KIRREL3: variants seen among roughly 807,000 people sequenced by gnomAD.
KIRREL3 encodes kirre like nephrin family adhesion molecule 3, also known as kin of IRRE-like protein 3.
A neutral mutation model predicts 89.7 loss-of-function variants in KIRREL3; 36 were observed. The ratio of observed to expected loss-of-function variants is 0.40; its 90% CI spans 0.31 to 0.53. The LOEUF (loss-of-function observed/expected upper bound fraction) is 0.53. Among genes scored for constraint, KIRREL3 ranks in the 20% least tolerant of loss-of-function variants. The pLI is 0.49. For missense variants in KIRREL3, 864 were observed against 1,056.6 expected, an observed-to-expected ratio of 0.82 and a Z score of 2.53; for synonymous variants, 445 against 441.4, an observed-to-expected ratio of 1.01 and a Z score of -0.10.
At chr11:126,481,451 T>A (rs936537949) in intron 4 of KIRREL3, among the ~76,000 whole-genome samples, 5 of 152,066 alleles carry the variant, frequency 3.3e-5, no homozygotes, top group African/African-American at 9.7e-5. Context: ...AGCTCCAGAG[T>A]CATGACCCAA....
In KIRREL3 at chr11:126,475,869, G is replaced by C. The variant is rs916767147; in HGVS notation, c.434-2403C>G. Among the ~76,000 whole-genome samples the C allele has an allele frequency of 3.3e-5, 5 of 152,210 alleles. No homozygotes were observed. Among genetic ancestry groups the C allele is most frequent in the Non-Finnish European group, 7.3e-5 (5 of 68,036 alleles). On this transcript the variant is annotated intron_variant, in intron 4 of 16. Coordinates refer to ENST00000525144, the MANE Select transcript of KIRREL3 (RefSeq NM_032531.4). This position sits in a 1 kb window ranked among gnomAD's most constrained non-coding sequence, Gnocchi z 7.5. The stretch of plus-strand genomic sequence containing the variant: ...CTTGCAGCAGGAAGAGCAGGGCTCA[G>C]AGGTGGCCAGCCTTCACCCTTCTTT...
chr11:126,451,437 T>C (rs1956153644), intron 7 of KIRREL3, among the ~76,000 whole-genome samples: 3 of 151,010 alleles, frequency 2.0e-5, no homozygotes, highest in Admixed American at 1.3e-4. Flanking sequence ...CGTGTGCATG[T>C]GTGTGTCCAA....
intron 7 of KIRREL3, among the ~76,000 whole-genome samples, chr11:126,450,880 T>C (rs1250020799): frequency 2.0e-5 from 3 of 147,200 alleles, no homozygotes; most frequent in Admixed American, 6.7e-5. Context: ...CATGTGTGCA[T>C]GTGTGCATGT....
rs754613189 is a variant in KIRREL3 at position 126,541,841 on chromosome 11, C to CGGG, written c.134-15157_134-15155dup. 6.6e-6 allele frequency among the ~76,000 whole-genome samples: 1 copy of CGGG among 152,088 alleles called. No individual in the cohort carries two copies. Among genetic ancestry groups the CGGG allele is most frequent in the Non-Finnish European group, 1.5e-5 (1 of 68,022 alleles). On this transcript the variant is annotated intron_variant, in intron 2 of 16. Coordinates refer to ENST00000525144, the MANE Select transcript of KIRREL3 (RefSeq NM_032531.4). The surrounding 1 kb of genome is among the most constrained non-coding windows in gnomAD (Gnocchi z 4.8). ...CTTGATTAAGTGGCTGTCTCTCTCTCGGGGTGCGCATTGATGTTCCCACTG... is the reference window on the plus strand; with the variant it reads ...CTTGATTAAGTGGCTGTCTCTCTCTCGGGGGGGTGCGCATTGATGTTCCCACTG...
In KIRREL3 at chr11:126,985,307, C is replaced by T. The variant is rs777330877; in HGVS notation, c.55+15148G>A. Among the ~76,000 whole-genome samples, 2 of 152,166 alleles carry T rather than the reference C, an allele frequency of 1.3e-5. No individual in the cohort carries two copies. The highest frequency in any genetic ancestry group is 2.9e-5 in the Non-Finnish European group (2 of 68,030). On this transcript the variant is annotated intron_variant, in intron 1 of 16. Transcript: ENST00000525144. The surrounding 1 kb of genome is among the most constrained non-coding windows in gnomAD (Gnocchi z 5.3). ...AATACTGATTGTATCTGACTCTGCG[C>T]CCAAGTCCAACAAAGCCACTGCACG...
chr11:126,758,129 G>C (rs1949563947), intron 1 of KIRREL3, among the ~76,000 whole-genome samples: 1 of 152,200 alleles, frequency 6.6e-6, no homozygotes, highest in South Asian at 2.1e-4. Flanking sequence ...TCTCCGATTT[G>C]GCTATTAAGA....
At chr11:126,794,891 C>T (rs1950756051) in intron 1 of KIRREL3, among the ~76,000 whole-genome samples, 1 of 152,188 alleles carries the variant, frequency 6.6e-6, no homozygotes. Flanking sequence ...TACCTCCACA[C>T]AGTGAAATTT....
intron 7 of KIRREL3, among the ~76,000 whole-genome samples, chr11:126,453,802 G>C (rs1956257080): frequency 6.6e-6 from 1 of 152,104 alleles, no homozygotes; most frequent in African/African-American, 2.4e-5. Flanking sequence ...GGTGTTTTCA[G>C]GGCCCTTCAC....
At chr11:126,450,798 T>TGA (rs202132835) in intron 7 of KIRREL3, among the ~76,000 whole-genome samples, 1,700 of 151,238 alleles carry the variant, frequency 0.011, 33 homozygotes, top group African/African-American at 0.039. Flanking sequence ...TGCATGTGTG[T>TGA]GTCTGCATGT....
intron 10 of KIRREL3, 72 bp downstream of exon 10, chr11:126,444,907 A>G: frequency 6.3e-7 from 1 of 1,596,282 alleles, no homozygotes; most frequent in Admixed American, 1.7e-5. Flanking sequence ...CTTTGGGGCT[A>G]TGCCTGGTGC....
chr11:126,950,911 T>C (rs1021820452), intron 1 of KIRREL3, among the ~76,000 whole-genome samples: 3 of 152,232 alleles, frequency 2.0e-5, no homozygotes, highest in Non-Finnish European at 2.9e-5. Flanking sequence ...AACAACCCAG[T>C]TAGAGAGATT....
Position 126,754,417 on chromosome 11 carries a change from C to T in KIRREL3, c.56-191505G>A, listed in dbSNP as rs140357813. On this transcript the variant is annotated intron_variant, in intron 1 of 16. Coordinates refer to ENST00000525144, the MANE Select transcript of KIRREL3 (RefSeq NM_032531.4). This position sits in a 1 kb window ranked among gnomAD's most constrained non-coding sequence, Gnocchi z 5.1. ...TCTGTCTCTGGTCTTCAATTCAGACCGTGTAACTAGGCTGGATGCCTGGTT... is the reference window on the plus strand; with the variant it reads ...TCTGTCTCTGGTCTTCAATTCAGACTGTGTAACTAGGCTGGATGCCTGGTT... Among the ~76,000 whole-genome samples the T allele has an allele frequency of 6.6e-5, 10 of 152,222 alleles. No individual in the cohort carries two copies. The highest frequency in any genetic ancestry group is 1.9e-4 in the East Asian group (1 of 5,186).
At position 126,923,187 on chromosome 11, in the gene KIRREL3, CTCT is replaced by C. The variant is rs1209221075; in HGVS notation, c.55+77265_55+77267del. Among the ~76,000 whole-genome samples the C allele has an allele frequency of 1.4e-3, 34 of 23,832 alleles. 1 individual carries two copies. Among genetic ancestry groups the C allele is most frequent in the Admixed American group, 2.8e-3 (6 of 2,116 alleles). The allele number at this position is 23,832 out of a possible 152,430, so 15.6% of individuals were successfully genotyped here. A position where few individuals can be genotyped will look rare whatever the true frequency, so the allele number is the denominator to read the frequency against. On this transcript the variant is annotated intron_variant, in intron 1 of 16. Coordinates refer to ENST00000525144, the MANE Select transcript of KIRREL3 (RefSeq NM_032531.4). ...TTCTTCTTCTTCTTCTCTTCTTCTT[CTCT>C]TCTTCTTCTTCTTCTTCTTCTTCTT...
rs1335100673 is a variant in KIRREL3 at position 126,519,661 on chromosome 11, T to G, written c.433+1654A>C. Among the ~76,000 whole-genome samples, 1 of 152,156 alleles carries G rather than the reference T, an allele frequency of 6.6e-6. No individual in the cohort carries two copies. The highest frequency in any genetic ancestry group is 6.5e-5 in the Admixed American group (1 of 15,272). On this transcript the variant is annotated intron_variant, in intron 4 of 16. Transcript: ENST00000525144. This position sits in a 1 kb window ranked among gnomAD's most constrained non-coding sequence, Gnocchi z 4.3. The stretch of plus-strand genomic sequence containing the variant: ...CCCCTCTAGAAGGTGTATGAGTCGG[T>G]AGAGGCAGATTCTTCTGAGGATGGA...
Position 126,883,309 on chromosome 11 carries a change from T to C in KIRREL3, c.55+117146A>G, listed in dbSNP as rs1369534883. Among the ~76,000 whole-genome samples the C allele has an allele frequency of 6.6e-6, 1 of 152,088 alleles. No homozygotes were observed. Among genetic ancestry groups the C allele is most frequent in the East Asian group, 1.9e-4 (1 of 5,180 alleles). ...GTCACCAGAAGTGGTAGGAGAGAGA[T>C]CTTCAAGCAGCACAGCAGTTAAAGA... On this transcript the variant is annotated intron_variant, in intron 1 of 16. Transcript: ENST00000525144. This position sits in a 1 kb window ranked among gnomAD's most constrained non-coding sequence, Gnocchi z 4.1.
chr11:126,919,809 A>G (rs1947195942), intron 1 of KIRREL3, among the ~76,000 whole-genome samples: 1 of 152,210 alleles, frequency 6.6e-6, no homozygotes, highest in South Asian at 2.1e-4. Context: ...TCCAAAGAGG[A>G]CAGACAGGAT....
rs145332991 is a variant in KIRREL3 at position 126,890,889 on chromosome 11, A to T, written c.55+109566T>A. ...TTTCCAAAACACAATCCCTTCTTTC[A>T]ACCTGAGCCTCAGCTCCCTGATATG... On this transcript the variant is annotated intron_variant, in intron 1 of 16. Transcript: ENST00000525144. This position sits in a 1 kb window ranked among gnomAD's most constrained non-coding sequence, Gnocchi z 5.1. Among the ~76,000 whole-genome samples the T allele has an allele frequency of 3.9e-4, 60 of 152,282 alleles. No homozygotes were observed. The highest frequency in any genetic ancestry group is 1.3e-3 in the African/African-American group (55 of 41,548).
chr11:126,975,902 CCCTTCCTCCCTCCCTT>C lies in KIRREL3; in HGVS notation c.55+24537_55+24552del, dbSNP rs58057278. ...TTTTCTTTTCCCTCCCTCCCTCCCT[CCCTTCCTCCCTCCCTT>C]CCTCCCTCCCTCCCTCCCTCCCTTC... On this transcript the variant is annotated intron_variant, in intron 1 of 16. Transcript: ENST00000525144. Among the ~76,000 whole-genome samples the C allele has an allele frequency of 4.7e-3, 430 of 91,102 alleles. 10 individuals carry two copies. The East Asian group carries it at 0.062, about 13-fold the overall frequency. The allele number at this position is 91,102 out of a possible 152,430, so 59.8% of individuals were successfully genotyped here. A position where few individuals can be genotyped will look rare whatever the true frequency, so the allele number is the denominator to read the frequency against.
chr11:126,440,931 T>G (rs2134177717), intron 10 of KIRREL3: 1 of 259,818 alleles, frequency 3.8e-6, no homozygotes, highest in South Asian at 4.4e-5. Context: ...GCAGAGGGGG[T>G]GGGGAGGTGT....
Sources: gnomAD v4.1 joint callset for allele counts (sites outside exome capture counted in the v4.1 genomes callset) on GRCh38, gnomAD v4.1.1 for gene constraint, Gnocchi (gnomAD v3.1) non-coding constraint, MANE v1.5 for transcripts, NCBI Gene and HGNC (gene_info 2026-07-23, HGNC 2026-07-21) for gene names.